Variants in FAM114A1 observed in about 807,000 individuals in gnomAD.
The protein encoded by FAM114A1 is family with sequence similarity 114 member A1.
In FAM114A1, 62 loss-of-function variants were observed where a neutral mutation model predicts 64.3. That is an observed-to-expected ratio of 0.96 (90% CI 0.79 to 1.19). FAM114A1 has a LOEUF of 1.19. Ranked by LOEUF, FAM114A1 falls within the 50% of genes most tolerant of loss-of-function variation. FAM114A1 has a pLI of 0.00. For missense variants in FAM114A1, 645 were observed against 676.3 expected, an observed-to-expected ratio of 0.95 and a Z score of 0.51; for synonymous variants, 254 against 251.1, an observed-to-expected ratio of 1.01 and a Z score of -0.11.
At chr4:38,931,073 C>T (rs1720586558) in intron 10 of FAM114A1, among the ~76,000 whole-genome samples, 1 of 152,110 alleles carries the variant, frequency 6.6e-6, no homozygotes, top group African/African-American at 2.4e-5. Context: ...GGCTCAATTT[C>T]TAACACATAT....
intron 10 of FAM114A1, 31 bp downstream of exon 10, chr4:38,929,364 T>TAAAAAAAAAAAAA: frequency 6.8e-7 from 1 of 1,480,974 alleles, no homozygotes; most frequent in Non-Finnish European, 9.3e-7. Context: ...AGTTTCTGGT[T>TAAAAAAAAAAAAA]AAAAAAAAAC....
chr4:38,941,931 C>T (rs1397330133), intron 14 of FAM114A1, among the ~76,000 whole-genome samples: 1 of 152,174 alleles, frequency 6.6e-6, no homozygotes, highest in African/African-American at 2.4e-5. Flanking sequence ...GGGCAATTTA[C>T]AAAAGAAAGA....
At chr4:38,880,827 T>A (rs988085516) in intron 3 of FAM114A1, among the ~76,000 whole-genome samples, 1 of 152,216 alleles carries the variant, frequency 6.6e-6, no homozygotes, top group Non-Finnish European at 1.5e-5. Flanking sequence ...AAATCCATAC[T>A]AATTCAAAAT....
At chr4:38,894,723 GT>G (rs1292756144) in intron 4 of FAM114A1, among the ~76,000 whole-genome samples, 2 of 152,154 alleles carry the variant, frequency 1.3e-5, no homozygotes, top group Non-Finnish European at 2.9e-5. Context: ...CTCTGAGAGT[GT>G]ATGACATTTG....
intron 13 of FAM114A1, among the ~76,000 whole-genome samples, chr4:38,940,220 T>C (rs1188775586): frequency 3.9e-5 from 6 of 152,204 alleles, no homozygotes; most frequent in African/African-American, 1.2e-4. Context: ...CCCTGCTTTA[T>C]ACCAGGCACT....
intron 2 of FAM114A1, 47 bp from the exon 3 acceptor site, chr4:38,878,024 C>A: frequency 6.9e-7 from 1 of 1,456,434 alleles, no homozygotes; most frequent in Non-Finnish European, 9.3e-7. Context: ...TGAATTGAAG[C>A]TTAACAATTC....
chr4:38,936,741 C>T (rs145957683), intron 13 of FAM114A1, among the ~76,000 whole-genome samples: 16,991 of 151,926 alleles, frequency 0.11, 1,116 homozygotes, highest in Admixed American at 0.17. Context: ...TTAGTAGAGA[C>T]GGGGTTTCAC....
chr4:38,932,178 T>C, intron 11 of FAM114A1, 57 bp from the exon 12 acceptor site: 1 of 1,541,236 alleles, frequency 6.5e-7, no homozygotes, highest in Non-Finnish European at 8.7e-7. Flanking sequence ...TCACAGCATT[T>C]TTTTAAAAAA....
chr4:38,887,422 T>G (rs1229417124), intron 3 of FAM114A1, among the ~76,000 whole-genome samples: 1 of 152,242 alleles, frequency 6.6e-6, no homozygotes, highest in Non-Finnish European at 1.5e-5. Flanking sequence ...TTCTACTTCC[T>G]TTTAAAGTAC....
chr4:38,931,677 A>T lies in FAM114A1; in HGVS notation c.1323+65A>T, dbSNP rs1720655738. The T allele has an allele frequency of 3.4e-6, 5 of 1,470,178 alleles. No individual in the cohort carries two copies. In the African/African-American group the frequency reaches 7.1e-5, roughly 21 times the overall value. 91.1% of individuals were successfully genotyped at this position (1,470,178 alleles called of 1,614,324 possible). On this transcript the variant is annotated intron_variant, in intron 11 of 14. Coordinates refer to ENST00000358869, the MANE Select transcript of FAM114A1 (RefSeq NM_138389.4). ...AGTGTGTTCATTTTATTAGCAGCTTAATTTTAATTGAGGAGAGGCCATTTC... is the reference window on the plus strand; with the variant it reads ...AGTGTGTTCATTTTATTAGCAGCTTTATTTTAATTGAGGAGAGGCCATTTC...
chr4:38,905,986 G>A, intron 6 of FAM114A1, 125 bp downstream of exon 6: 3 of 652,640 alleles, frequency 4.6e-6, no homozygotes, highest in Non-Finnish European at 6.9e-6. Context: ...TTGGATTATG[G>A]TTTTTTTTTT....
At chr4:38,935,979 C>A (rs537762159) in intron 13 of FAM114A1, among the ~76,000 whole-genome samples, 189 bp downstream of exon 13, 2 of 152,282 alleles carry the variant, frequency 1.3e-5, no homozygotes, top group South Asian at 2.1e-4. Flanking sequence ...TGGGTTCTAG[C>A]CTTGAATCTG....
At chr4:38,890,933 G>A (rs1368336807) in intron 3 of FAM114A1, among the ~76,000 whole-genome samples, 1 of 152,192 alleles carries the variant, frequency 6.6e-6, no homozygotes, top group Non-Finnish European at 1.5e-5. Context: ...CTGAGAAGCT[G>A]TCAGGAATCC....
intron 9 of FAM114A1, 142 bp downstream of exon 9, chr4:38,923,035 G>C (rs554704399): frequency 2.0e-6 from 2 of 985,986 alleles, no homozygotes; most frequent in African/African-American, 3.3e-5. Context: ...ATCTGCTCTT[G>C]TTACAGGAGC....
intron 4 of FAM114A1, among the ~76,000 whole-genome samples, chr4:38,897,347 C>T (rs567696313): frequency 6.6e-6 from 1 of 152,146 alleles, no homozygotes; most frequent in Non-Finnish European, 1.5e-5. Flanking sequence ...GATATTTGTG[C>T]CCACTGTGCT....
At chr4:38,873,672 G>A (rs1186565983) in intron 2 of FAM114A1, among the ~76,000 whole-genome samples, 29 of 152,202 alleles carry the variant, frequency 1.9e-4, no homozygotes, top group Admixed American at 1.9e-3. Context: ...TCTTCAATGT[G>A]CAAAAGAACA....
chr4:38,921,912 A>G (rs1420234874), intron 8 of FAM114A1, among the ~76,000 whole-genome samples: 1 of 152,106 alleles, frequency 6.6e-6, no homozygotes. Flanking sequence ...ATTTATGTTT[A>G]TATATGGATG....
chr4:38,900,237 A>C (rs1717385713), intron 4 of FAM114A1, among the ~76,000 whole-genome samples: 2 of 147,158 alleles, frequency 1.4e-5, no homozygotes, highest in South Asian at 4.4e-4. Context: ...AAAAAAAAAA[A>C]CAGAAAATAA....
At chr4:38,935,695 C>CTTTTTTTTTTTTT in intron 12 of FAM114A1, 23 bp from the exon 13 acceptor site, 1 of 1,185,022 alleles carries the variant, frequency 8.4e-7, no homozygotes, top group Non-Finnish European at 1.2e-6. Context: ...AACATCCAAG[C>CTTTTTTTTTTTTT]TTTTTTTTTT....
Sources: allele counts gnomAD v4.1 joint callset (sites outside exome capture counted in the v4.1 genomes callset), GRCh38; gene constraint gnomAD v4.1.1; transcripts MANE v1.5; gene names NCBI Gene and HGNC (gene_info 2026-07-23, HGNC 2026-07-21).